The following UBR4 variants were observed in gnomAD, a reference collection of about 807,000 sequenced individuals.
The protein encoded by UBR4 is ubiquitin protein ligase E3 component n-recognin 4, also known as E3 ubiquitin-protein ligase UBR4.
Under a neutral mutation model 575.6 loss-of-function variants are expected in UBR4, and 124 were observed. The observed-to-expected ratio is 0.22, with a 90% CI of 0.19 to 0.25. The LOEUF is 0.25. UBR4 is among the 10% of genes least tolerant of loss of function. The probability of loss-of-function intolerance (pLI) is 1.00; values close to 1 mark genes in which losing one functional copy is unlikely to be tolerated. For missense variants in UBR4, 4,818 were observed against 6,478.8 expected (o/e 0.74, Z 8.80); for synonymous variants, 2,455 against 2,473.7 (o/e 0.99, Z 0.22).
rs977437516 is a variant in UBR4, at chr1:19,100,030, AG to A, written c.13221+345del. 3 of 432,930 alleles carry A rather than the reference AG, an allele frequency of 6.9e-6. No individual in the cohort carries two copies. Among genetic ancestry groups the A allele is most frequent in the Non-Finnish European group, 1.2e-5 (3 of 242,102 alleles). The allele number at this position is 432,930 out of a possible 1,614,324, so 26.8% of individuals were successfully genotyped here. On this transcript the variant is annotated intron_variant, in intron 89 of 105. Coordinates refer to ENST00000375254, the MANE Select transcript of UBR4 (RefSeq NM_020765.3). This position sits in a 1 kb window ranked among gnomAD's most constrained non-coding sequence, Gnocchi z 4.2. ...CTGACACGGGGACATAAACCTGCACAGGGGGTAAAACGCCAATATTTAGGGG... is the reference window on the plus strand; with the variant it reads ...CTGACACGGGGACATAAACCTGCACAGGGGTAAAACGCCAATATTTAGGGG...
intron 22 of UBR4, among the ~76,000 whole-genome samples, chr1:19,173,834 G>A (rs870482): frequency 0.13 from 20,185 of 152,198 alleles, 1,433 homozygotes; most frequent in Middle Eastern, 0.19. Context: ...AATTTGTTCC[G>A]TATTCTGCAC....
At chr1:19,197,446 A>G (rs1053641436) in intron 7 of UBR4, among the ~76,000 whole-genome samples, 181 bp from the exon 8 acceptor site, 1 of 152,106 alleles carries the variant, frequency 6.6e-6, no homozygotes, top group Non-Finnish European at 1.5e-5. Flanking sequence ...CTGGGCAACA[A>G]GGCAAAACCC....
rs762040549 is a variant in UBR4, at chr1:19,092,863, G to A, written c.14167C>T (p.Leu4723=). 1.2e-6 allele frequency: 2 copies of A among 1,613,462 alleles called. No homozygotes were observed. The highest frequency in any genetic ancestry group is 2.2e-5 in the East Asian group (1 of 44,870). The change falls in exon 97 of 106, where the codon CTA becomes TTA. Residue 4723 remains leucine (L), a synonymous_variant. Coordinates refer to ENST00000375254, the MANE Select transcript of UBR4 (RefSeq NM_020765.3). ...FLSRPALPFI[L]RLLRGLAIQH... ...ATGGCCAGGCCCCGAAGCAGCCTTA[G>A]GATAAATGGCAAGGCTGGGCGAGAC... is the stretch of plus-strand genomic sequence containing the variant.
intron 13 of UBR4, 121 bp from the exon 14 acceptor site, chr1:19,186,778 C>G: frequency 1.2e-6 from 1 of 830,760 alleles, no homozygotes; most frequent in Admixed American, 2.8e-5. Flanking sequence ...CTTAATAGCT[C>G]CCTTAATTAA....
At position 19,084,492 on chromosome 1, in the gene UBR4, CAG is replaced by C; in HGVS notation, c.15008+10_15008+11del. 6.3e-7 allele frequency: 1 copy of C among 1,584,838 alleles called. No homozygotes were observed. The highest frequency in any genetic ancestry group is 8.6e-7 in the Non-Finnish European group (1 of 1,158,584). ...TCTGCGAGATGCCGCCCCTGGGACA[CAG>C]GGTACTGACGTGTTCAGGACGTAAA... is the stretch of plus-strand genomic sequence containing the variant. On this transcript the variant is annotated intron_variant, in intron 102 of 105. Transcript: ENST00000375254.
rs113953456 is a variant in UBR4 at position 19,106,059 on chromosome 1, C to T, written c.12394-217G>A. ...GAGCCCTGCTTCTGCCTGGAGACTT[C>T]TCCATCAGGAGATGTGAAGAACATA... On this transcript the variant is annotated intron_variant, in intron 83 of 105. Transcript: ENST00000375254. 3.3e-4 allele frequency among the ~76,000 whole-genome samples: 50 copies of T among 152,326 alleles called. 1 individual carries two copies. In the South Asian group the frequency reaches 7.5e-3, roughly 23 times the overall value.
In UBR4 at chr1:19,170,689, G is replaced by C; in HGVS notation, c.3643+73C>G. On this transcript the variant is annotated intron_variant, in intron 26 of 105. Coordinates refer to ENST00000375254, the MANE Select transcript of UBR4 (RefSeq NM_020765.3). Reference sequence around the variant, plus strand: ...AATAGTAAACGCCAGTAGGCACCAAGGGAGAGAAGCCATAGTACTAGCAGT... The same window carrying C: ...AATAGTAAACGCCAGTAGGCACCAACGGAGAGAAGCCATAGTACTAGCAGT... The C allele has an allele frequency of 1.0e-5, 16 of 1,597,814 alleles. No homozygotes were observed. In the South Asian group the frequency reaches 1.8e-4, roughly 18 times the overall value.
chr1:19,165,746 T>G lies in UBR4; in HGVS notation c.4121A>C (p.Glu1374Ala), dbSNP rs1169237607. 3.7e-6 allele frequency: 6 copies of G among 1,613,942 alleles called. No individual in the cohort carries two copies. The highest frequency in any genetic ancestry group is 5.1e-6 in the Non-Finnish European group (6 of 1,179,902). ...NHADPNSGLD[E>A]SILEECLQYL... is the part of the protein sequence containing the mutation. ...CTGGAGACATTCCTCCAGGATGGAT[T>G]CATCCAGTCCACTGAGGATCAAACG... The change falls in exon 30 of 106, where the codon GAA (glutamate) becomes GCA (alanine). Residue 1374 changes from glutamate (E) to alanine (A), a missense_variant. By Grantham distance (107) the Glu-to-Ala change is moderately radical. Around this residue, in one of 29 missense-constraint regions of UBR4, gnomAD observed 1,172 missense variants for 1,259.7 expected, o/e 0.93. Coordinates refer to ENST00000375254, the MANE Select transcript of UBR4 (RefSeq NM_020765.3).
At chr1:19,097,337 G>T in intron 90 of UBR4, 57 bp from the exon 91 acceptor site, 1 of 1,513,790 alleles carries the variant, frequency 6.6e-7, no homozygotes, top group South Asian at 1.2e-5. Flanking sequence ...AAATGCAAAG[G>T]ACTCCATACT....
At chr1:19,174,292 A>C in intron 22 of UBR4, 27 bp downstream of exon 22, 1 of 1,589,294 alleles carries the variant, frequency 6.3e-7, no homozygotes, top group South Asian at 1.2e-5. Context: ...CACAACCCAA[A>C]GACTTCTCAG....
At chr1:19,077,785 C>G in intron 104 of UBR4, 191 bp downstream of exon 104, 1 of 1,521,336 alleles carries the variant, frequency 6.6e-7, no homozygotes, top group Non-Finnish European at 8.8e-7. Flanking sequence ...ACAAATGTAC[C>G]TCACAGACAC....
chr1:19,169,298 T>C (rs2089112406), intron 27 of UBR4, 137 bp downstream of exon 27: 1 of 620,212 alleles, frequency 1.6e-6, no homozygotes. Context: ...TGATTAATGA[T>C]TCAGCCATAG....
At chr1:19,193,338 C>G in intron 9 of UBR4, 95 bp downstream of exon 9, 3 of 1,526,888 alleles carry the variant, frequency 2.0e-6, no homozygotes, top group East Asian at 4.5e-5. Flanking sequence ...GGAGAATACT[C>G]TAAGTTCTTT....
intron 29 of UBR4, 95 bp from the exon 30 acceptor site, chr1:19,165,852 G>T: frequency 2.8e-6 from 3 of 1,069,788 alleles, no homozygotes; most frequent in South Asian, 1.6e-5. Context: ...TTGTCTGTTT[G>T]ACCTTGAGGG....
intron 49 of UBR4, among the ~76,000 whole-genome samples, chr1:19,149,148 G>C (rs900084298): frequency 6.6e-6 from 1 of 152,152 alleles, no homozygotes; most frequent in Non-Finnish European, 1.5e-5. Context: ...CATTCAAGGG[G>C]TAAATACAAA....
chr1:19,152,314 T>C lies in UBR4; in HGVS notation c.6995A>G (p.Lys2332Arg). ...ATCCCAGCCCAGTGCCATTCTTACC[T>C]TGGTGTTGGCCACATACATGCCAGT... ...NSTGMYVANT[K>R]PGGFTIEISN... Residue 2332 changes from lysine (K) to arginine (R), a missense_variant and splice_region_variant, in exon 47 of 106, where the codon AAG becomes AGG. Lys to Arg is a conservative substitution (Grantham distance 26, BLOSUM62 2). This residue lies in a region of UBR4 where 461 missense variants were observed against 606.9 expected (regional missense o/e 0.76). Coordinates refer to ENST00000375254, the MANE Select transcript of UBR4 (RefSeq NM_020765.3). This position sits in a 1 kb window ranked among gnomAD's most constrained non-coding sequence, Gnocchi z 4.4. 1 of 1,613,942 alleles carries C rather than the reference T, an allele frequency of 6.2e-7. No individual in the cohort carries two copies. Among genetic ancestry groups the C allele is most frequent in the South Asian group, 1.1e-5 (1 of 91,074 alleles).
intron 27 of UBR4, 64 bp from the exon 28 acceptor site, chr1:19,168,248 G>GAA: frequency 7.1e-7 from 1 of 1,414,352 alleles, no homozygotes; most frequent in Non-Finnish European, 9.4e-7. Context: ...TTCTCACATG[G>GAA]AAAAAAAAAC....
At chr1:19,130,763 C>A (rs7547104) in intron 60 of UBR4, among the ~76,000 whole-genome samples, 92,623 of 151,984 alleles carry the variant, frequency 0.61, 28,584 homozygotes, top group East Asian at 0.8. Flanking sequence ...CATAAGACGG[C>A]TTTGTTTTGA....
intron 11 of UBR4, among the ~76,000 whole-genome samples, chr1:19,190,631 T>C (rs1272790532): frequency 6.6e-6 from 1 of 152,080 alleles, no homozygotes; most frequent in Non-Finnish European, 1.5e-5. Flanking sequence ...ATCAGTAAAT[T>C]ATACAACCCA....
Sources: gnomAD v4.1 joint callset for allele counts (sites outside exome capture counted in the v4.1 genomes callset) on GRCh38, gnomAD v4.1.1 for gene constraint, gnomAD v4.1.1 regional missense constraint, Gnocchi (gnomAD v3.1) non-coding constraint, MANE v1.5 for transcripts, NCBI Gene and HGNC (gene_info 2026-07-23, HGNC 2026-07-21) for gene names.